The following RBFOX1 variants were observed in gnomAD, a reference collection of about 807,000 sequenced individuals.
RBFOX1 encodes the protein RNA binding protein fox-1 homolog 1.
In RBFOX1, 8 loss-of-function variants were observed where a neutral mutation model predicts 57.7. That is an observed-to-expected ratio of 0.14 (90% CI 0.08 to 0.25). The LOEUF is 0.25. RBFOX1 is among the 10% of genes least tolerant of loss of function. The pLI is 1.00. For synonymous variants in RBFOX1, 326 were observed against 222.4 expected, an observed-to-expected ratio of 1.47 and a Z score of -4.15; for missense variants, 611 against 548.5, an observed-to-expected ratio of 1.11 and a Z score of -1.14.
intron 4 of RBFOX1, among the ~76,000 whole-genome samples, chr16:5,959,204 A>G (rs1242650393): frequency 3.9e-5 from 6 of 152,146 alleles, no homozygotes; most frequent in Non-Finnish European, 7.3e-5. Context: ...GTGGCTTTCT[A>G]TTGCTCACTT....
intron 1 of RBFOX1, among the ~76,000 whole-genome samples, chr16:5,423,459 G>T (rs2067416744): frequency 6.6e-6 from 1 of 152,092 alleles, no homozygotes; most frequent in Non-Finnish European, 1.5e-5. Flanking sequence ...CCTTTATCCT[G>T]GCTCCCTACG....
In RBFOX1 at chr16:7,711,577, G is replaced by A. The variant is rs1377572939; in HGVS notation, c.*832G>A. 2 of 152,330 alleles carry A rather than the reference G, an allele frequency of 1.3e-5. No individual in the cohort carries two copies. Among genetic ancestry groups the A allele is most frequent in the Non-Finnish European group, 2.9e-5 (2 of 67,992 alleles). 9.4% of individuals were successfully genotyped at this position (152,330 alleles called of 1,614,324 possible). On this transcript the variant is annotated 3_prime_UTR_variant, in exon 16 of 16. Transcript: ENST00000550418. The stretch of plus-strand genomic sequence containing the variant: ...GAAAAAATAACATTAATAAAAAGGT[G>A]ATAAAAAAGCACTGTTTCTATTTTT...
chr16:7,374,317 G>A (rs1463612642), intron 4 of RBFOX1, among the ~76,000 whole-genome samples: 1 of 152,170 alleles, frequency 6.6e-6, no homozygotes, highest in African/African-American at 2.4e-5. Context: ...TTCTTAAGGT[G>A]TTTGGCACAA....
intron 3 of RBFOX1, among the ~76,000 whole-genome samples, chr16:6,699,267 G>C (rs923940182): frequency 6.6e-6 from 1 of 151,428 alleles, no homozygotes; most frequent in African/African-American, 2.4e-5. Context: ...CTGTTGTGAG[G>C]CTTTGCCTTC....
Position 6,567,770 on chromosome 16 carries a change from CAA to C in RBFOX1, c.-63-86831_-63-86830del, listed in dbSNP as rs369234618. Among the ~76,000 whole-genome samples the C allele has an allele frequency of 1.1e-4, 16 of 152,246 alleles. 2 individuals carry two copies. In the East Asian group the frequency reaches 1.7e-3, roughly 17 times the overall value. ...TTTTGAGTTGGTCCATACAAAGCAA[CAA>C]ATTAAGCATTTAGGGCTTTATGGAC... On this transcript the variant is annotated intron_variant, in intron 2 of 15. Coordinates refer to ENST00000550418, the MANE Select transcript of RBFOX1 (RefSeq NM_018723.4).
rs549211669 is a variant in RBFOX1, at chr16:7,481,847, T to G, written c.28-36300T>G. The stretch of plus-strand genomic sequence containing the variant: ...TTAAAAGTTCTCAGAACACTTATAT[T>G]AGTCTGTAGTTTGGCAAACCATCTA... On this transcript the variant is annotated intron_variant, in intron 4 of 15. Coordinates refer to ENST00000550418, the MANE Select transcript of RBFOX1 (RefSeq NM_018723.4). Among the ~76,000 whole-genome samples the G allele has an allele frequency of 3.9e-5, 6 of 152,330 alleles. No homozygotes were observed. The South Asian group carries it at 1.2e-3, about 32-fold the overall frequency.
At chr16:6,847,949 C>T (rs1217200379) in intron 3 of RBFOX1, among the ~76,000 whole-genome samples, 1 of 152,006 alleles carries the variant, frequency 6.6e-6, no homozygotes, top group African/African-American at 2.4e-5. Context: ...CCTGCCTCAG[C>T]CTCCCAAATA....
chr16:6,924,169 A>AAATAAT (rs34239520), intron 3 of RBFOX1, among the ~76,000 whole-genome samples: 2,031 of 146,706 alleles, frequency 0.014, 46 homozygotes, highest in African/African-American at 0.044. Flanking sequence ...TCTGTCTCAA[A>AAATAAT]AATAATAATA....
intron 10 of RBFOX1, among the ~76,000 whole-genome samples, chr16:7,627,360 T>A (rs2060240834): frequency 6.6e-6 from 1 of 152,116 alleles, no homozygotes; most frequent in Admixed American, 6.5e-5. Context: ...ATATTGAAAT[T>A]GATTAATTCC....
intron 1 of RBFOX1, among the ~76,000 whole-genome samples, chr16:5,430,568 G>A (rs1021954705): frequency 6.6e-6 from 1 of 152,152 alleles, no homozygotes. Flanking sequence ...ACCTGTCCAG[G>A]ATTTAAACGC....
intron 2 of RBFOX1, among the ~76,000 whole-genome samples, chr16:6,553,893 T>C (rs750293793): frequency 6.6e-6 from 1 of 152,176 alleles, no homozygotes. Context: ...GTCGGTTTTA[T>C]AGATTTTGCA....
chr16:5,645,853 A>G (rs2049034699), intron 3 of RBFOX1, among the ~76,000 whole-genome samples: 1 of 152,150 alleles, frequency 6.6e-6, no homozygotes, highest in South Asian at 2.1e-4. Context: ...AAAATTTCAT[A>G]GACAAAGGGT....
At chr16:6,017,255 T>C (rs1184819888), upstream of RBFOX1, among the ~76,000 whole-genome samples, 2 of 152,208 alleles carry the variant, frequency 1.3e-5, no homozygotes, top group East Asian at 3.8e-4. Context: ...ACAATTCCTG[T>C]TGGTGAATTT....
At chr16:5,941,451 C>A (rs1484090191) in intron 4 of RBFOX1, among the ~76,000 whole-genome samples, 1 of 150,790 alleles carries the variant, frequency 6.6e-6, no homozygotes, top group Non-Finnish European at 1.5e-5. Flanking sequence ...GATAGCTCTT[C>A]TGCGCTCCAG....
intron 3 of RBFOX1, among the ~76,000 whole-genome samples, chr16:5,770,486 C>G (rs1221245929): frequency 6.6e-6 from 1 of 152,144 alleles, no homozygotes; most frequent in Non-Finnish European, 1.5e-5. Context: ...ATAACCCACC[C>G]CTTGTTTAGC....
intron 1 of RBFOX1, among the ~76,000 whole-genome samples, chr16:6,196,393 T>C (rs2097179955): frequency 6.6e-6 from 1 of 152,222 alleles, no homozygotes; most frequent in Non-Finnish European, 1.5e-5. Context: ...GATAACATTA[T>C]CTTTCAGATT....
At chr16:6,186,057 G>C (rs190286439) in intron 1 of RBFOX1, among the ~76,000 whole-genome samples, 6 of 152,166 alleles carry the variant, frequency 3.9e-5, no homozygotes, top group African/African-American at 1.2e-4. Flanking sequence ...ACGGAAGTAG[G>C]AGGATTGTCC....
At chr16:6,330,610 C>T (rs2152806061) in intron 2 of RBFOX1, among the ~76,000 whole-genome samples, 1 of 152,326 alleles carries the variant, frequency 6.6e-6, no homozygotes, top group Middle Eastern at 3.4e-3. Flanking sequence ...GAGTGCTCTT[C>T]TATGCTAGGC....
At chr16:6,479,592 A>C (rs571307937) in intron 2 of RBFOX1, among the ~76,000 whole-genome samples, 26 of 152,164 alleles carry the variant, frequency 1.7e-4, no homozygotes, top group Middle Eastern at 3.4e-3. Flanking sequence ...TGTCTCAAAA[A>C]AGAAAAAGAA....
Sources: allele counts gnomAD v4.1 joint callset (sites outside exome capture counted in the v4.1 genomes callset), GRCh38; gene constraint gnomAD v4.1.1; transcripts MANE v1.5; gene names NCBI Gene and HGNC (gene_info 2026-07-23, HGNC 2026-07-21).